Variants in DISC1 observed in about 807,000 individuals in gnomAD.
DISC1 encodes disrupted in schizophrenia 1 protein.
A neutral mutation model predicts 84.5 loss-of-function variants in DISC1; 57 were observed. The observed-to-expected ratio is 0.67, with a 90% CI of 0.55 to 0.84. The LOEUF is 0.84. Ranked by LOEUF, DISC1 falls within the 40% of genes least tolerant of loss-of-function variation. DISC1 has a pLI of 0.00. For synonymous variants in DISC1, 411 were observed against 415.2 expected (o/e 0.99, Z 0.12); for missense variants, 1,000 against 1,057.8 (o/e 0.95, Z 0.76).
At position 231,851,464 on chromosome 1, in the gene DISC1, A is replaced by G. The variant is rs80066943; in HGVS notation, c.1981+32947A>G. 2.6e-4 allele frequency among the ~76,000 whole-genome samples: 39 copies of G among 152,346 alleles called. No homozygotes were observed. The East Asian group carries it at 7.3e-3, about 29-fold the overall frequency. On this transcript the variant is annotated intron_variant, in intron 9 of 12. Coordinates refer to ENST00000439617, the MANE Select transcript of DISC1 (RefSeq NM_018662.3). ...AGCCCTGAGCAGCAGGAAACTGAAT[A>G]TAGTCACTCACATAGCTAAACCCAG... is the stretch of plus-strand genomic sequence containing the variant.
rs151179358 is a variant in DISC1 at position 231,777,719 on chromosome 1, T to G, written c.1634+6649T>G. 4.0e-3 allele frequency among the ~76,000 whole-genome samples: 608 copies of G among 152,330 alleles called. 5 individuals carry two copies. The highest frequency in any genetic ancestry group is 0.014 in the African/African-American group (582 of 41,570). The stretch of plus-strand genomic sequence containing the variant: ...GCAGGTGTGCCCTCTCCACTCAAAT[T>G]TATCCTGTCTGTCCTTCTTAGTTAG... On this transcript the variant is annotated intron_variant, in intron 6 of 12. Transcript: ENST00000439617.
intron 3 of DISC1, among the ~76,000 whole-genome samples, chr1:231,718,656 G>A (rs532753524): frequency 3.9e-5 from 6 of 152,126 alleles, no homozygotes; most frequent in Non-Finnish European, 7.4e-5. Flanking sequence ...GGCTGGTCTC[G>A]AACTCCTGAC....
intron 9 of DISC1, among the ~76,000 whole-genome samples, chr1:231,883,053 C>T (rs2086408897): frequency 6.6e-6 from 1 of 151,966 alleles, no homozygotes; most frequent in South Asian, 2.1e-4. Context: ...TGCCTTAGCA[C>T]AGAGCGACAG....
chr1:231,967,617 C>T (rs1476508945), intron 10 of DISC1, among the ~76,000 whole-genome samples: 2 of 152,144 alleles, frequency 1.3e-5, no homozygotes, highest in Admixed American at 6.5e-5. Flanking sequence ...GATTTATACA[C>T]TTTTGAACTT....
intron 3 of DISC1, 84 bp downstream of exon 3, chr1:231,702,108 C>T (rs2066501544): frequency 1.3e-6 from 2 of 1,524,764 alleles, no homozygotes; most frequent in East Asian, 4.8e-5. Flanking sequence ...CTTTTGAATC[C>T]CAAAAGAATT....
intron 1 of DISC1, among the ~76,000 whole-genome samples, chr1:231,693,492 C>T (rs989247118): frequency 2.6e-5 from 4 of 152,172 alleles, no homozygotes; most frequent in African/African-American, 9.7e-5. Context: ...ACTGAGGTGC[C>T]ATAAAAGACC....
intron 3 of DISC1, among the ~76,000 whole-genome samples, chr1:231,731,878 G>GCT (rs1228172090): frequency 6.6e-6 from 1 of 152,186 alleles, no homozygotes; most frequent in African/African-American, 2.4e-5. Flanking sequence ...CAGACGCTCT[G>GCT]CTCTCAACAG....
chr1:231,767,413 C>T, intron 5 of DISC1, 144 bp downstream of exon 5: 1 of 1,269,032 alleles, frequency 7.9e-7, no homozygotes, highest in Admixed American at 2.0e-5. Context: ...TCTCCCACCT[C>T]AGCCTCCCAA....
intron 1 of DISC1, among the ~76,000 whole-genome samples, chr1:231,672,691 T>C (rs1232853586): frequency 1.3e-5 from 2 of 152,230 alleles, no homozygotes; most frequent in African/African-American, 4.8e-5. Context: ...TCTGTGGATC[T>C]TTGTACATGT....
At chr1:231,847,998 G>T (rs1480283323) in intron 9 of DISC1, among the ~76,000 whole-genome samples, 1 of 152,184 alleles carries the variant, frequency 6.6e-6, no homozygotes, top group Non-Finnish European at 1.5e-5. Context: ...TGTTCCTGAA[G>T]TCCAAGACTT....
intron 9 of DISC1, among the ~76,000 whole-genome samples, chr1:231,911,732 T>C (rs896784630): frequency 1.3e-5 from 2 of 152,234 alleles, no homozygotes; most frequent in Non-Finnish European, 2.9e-5. Context: ...CCTTGCTAGG[T>C]TGGGGATGTT....
chr1:231,913,575 C>T (rs993881687), intron 9 of DISC1, among the ~76,000 whole-genome samples: 2 of 152,186 alleles, frequency 1.3e-5, no homozygotes, highest in African/African-American at 2.4e-5. Context: ...GGGACAGGCA[C>T]CTGAGGGTGA....
chr1:231,873,160 C>A (rs7512173), intron 9 of DISC1, among the ~76,000 whole-genome samples: 2 of 152,224 alleles, frequency 1.3e-5, no homozygotes, highest in South Asian at 4.1e-4. Context: ...CAAGAACTTC[C>A]GCTGTAAAGT....
At chr1:231,745,063 A>AT (rs72513670) in intron 3 of DISC1, among the ~76,000 whole-genome samples, 1 of 152,016 alleles carries the variant, frequency 6.6e-6, no homozygotes, top group East Asian at 1.9e-4. Context: ...TAAATAAAAA[A>AT]ATTTAATATC....
At chr1:231,782,975 C>G (rs2125542047) in intron 6 of DISC1, among the ~76,000 whole-genome samples, 1 of 152,210 alleles carries the variant, frequency 6.6e-6, no homozygotes, top group Admixed American at 6.5e-5. Context: ...GCAAGCAGTT[C>G]TGGGTATTTA....
At chr1:231,791,207 A>G (rs1160633446) in intron 6 of DISC1, among the ~76,000 whole-genome samples, 1 of 152,262 alleles carries the variant, frequency 6.6e-6, no homozygotes, top group African/African-American at 2.4e-5. Context: ...TATATTGTAC[A>G]TTGAACAAAA....
intron 1 of DISC1, among the ~76,000 whole-genome samples, chr1:231,687,475 A>G (rs2064434459): frequency 6.6e-6 from 1 of 152,214 alleles, no homozygotes; most frequent in African/African-American, 2.4e-5. Flanking sequence ...GTATGGGGGA[A>G]ATTGCCCCCA....
chr1:231,833,122 T>A (rs561778863), intron 9 of DISC1, among the ~76,000 whole-genome samples: 8 of 149,102 alleles, frequency 5.4e-5, no homozygotes, highest in South Asian at 2.1e-4. Flanking sequence ...GCAATGAGAT[T>A]CAGCTGTAGT....
intron 11 of DISC1, among the ~76,000 whole-genome samples, chr1:232,011,705 G>A (rs1421477498): frequency 1.4e-5 from 2 of 142,162 alleles, no homozygotes; most frequent in South Asian, 2.1e-4. Flanking sequence ...TTACGTGACT[G>A]TGTGTATGTC....
Sources: gnomAD v4.1 joint callset for allele counts (sites outside exome capture counted in the v4.1 genomes callset) on GRCh38, gnomAD v4.1.1 for gene constraint, MANE v1.5 for transcripts, NCBI Gene and HGNC (gene_info 2026-07-23, HGNC 2026-07-21) for gene names.